Variants in PLCB1 observed in about 807,000 individuals in gnomAD.
PLCB1 encodes the protein 1-phosphatidylinositol 4,5-bisphosphate phosphodiesterase beta-1.
In PLCB1, 46 loss-of-function variants were observed where a neutral mutation model predicts 161.8. That is an observed-to-expected ratio of 0.28 (90% CI 0.22 to 0.36). The LOEUF (loss-of-function observed/expected upper bound fraction) is 0.36. Ranked by LOEUF, PLCB1 falls within the 10% of genes least tolerant of loss-of-function variation. PLCB1 has a pLI of 1.00. For synonymous variants in PLCB1, 517 were observed against 503.7 expected, an observed-to-expected ratio of 1.03 and a Z score of -0.35; for missense variants, 1,016 against 1,472.5, an observed-to-expected ratio of 0.69 and a Z score of 5.07.
chr20:8,451,824 A>G (rs1351337939), intron 3 of PLCB1, among the ~76,000 whole-genome samples: 31 of 132,922 alleles, frequency 2.3e-4, no homozygotes, highest in Non-Finnish European at 1.3e-4. Flanking sequence ...TCTTTCTTCC[A>G]TCTCCCTCTT....
chr20:8,382,829 G>A (rs1265291736), intron 3 of PLCB1, among the ~76,000 whole-genome samples: 1 of 152,088 alleles, frequency 6.6e-6, no homozygotes, highest in Non-Finnish European at 1.5e-5. Flanking sequence ...TTACAGGCAT[G>A]AGCCACCACA....
intron 10 of PLCB1, among the ~76,000 whole-genome samples, chr20:8,695,766 G>A (rs912847096): frequency 1.3e-5 from 2 of 152,164 alleles, no homozygotes; most frequent in African/African-American, 4.8e-5. Context: ...ATATTTAATA[G>A]GGAAAACCAA....
At chr20:8,500,013 T>C (rs1326072850) in intron 3 of PLCB1, among the ~76,000 whole-genome samples, 1 of 152,198 alleles carries the variant, frequency 6.6e-6, no homozygotes, top group Non-Finnish European at 1.5e-5. Flanking sequence ...GTAAGGAATT[T>C]ACTAAAGGAA....
intron 1 of PLCB1, among the ~76,000 whole-genome samples, chr20:8,145,284 C>CTCTT (rs992312153): frequency 4.0e-4 from 61 of 152,240 alleles, no homozygotes; most frequent in African/African-American, 1.4e-3. Flanking sequence ...TCCAGATGTT[C>CTCTT]TCTTCTTATA....
chr20:8,288,480 A>C (rs573613254), intron 2 of PLCB1, among the ~76,000 whole-genome samples: 2 of 152,330 alleles, frequency 1.3e-5, no homozygotes, highest in East Asian at 1.9e-4. Flanking sequence ...AATAAAGTAA[A>C]GGTGGGACAG....
At chr20:8,289,020 G>A (rs553438136) in intron 2 of PLCB1, among the ~76,000 whole-genome samples, 6 of 152,092 alleles carry the variant, frequency 3.9e-5, no homozygotes, top group East Asian at 1.9e-4. Context: ...GAGTAGGGGC[G>A]GGATGAGGTA....
chr20:8,583,968 C>A (rs1189243890), intron 3 of PLCB1, among the ~76,000 whole-genome samples: 1 of 152,166 alleles, frequency 6.6e-6, no homozygotes, highest in African/African-American at 2.4e-5. Flanking sequence ...TATGCAGCCT[C>A]ACACCTGCAT....
In PLCB1 at chr20:8,690,534, G is replaced by C. The variant is rs181021065; in HGVS notation, c.1009+5456G>C. 2.7e-3 allele frequency among the ~76,000 whole-genome samples: 409 copies of C among 152,234 alleles called. 5 individuals are homozygous for C. Among genetic ancestry groups the C allele is most frequent in the Admixed American group, 0.023 (359 of 15,294 alleles). ...TGGGAGAAGTTAAGTCTGTTTCTTG[G>C]CATGGGTCACAGGATGGGTGGCAGT... On this transcript the variant is annotated intron_variant, in intron 10 of 31. Coordinates refer to ENST00000338037, the MANE Select transcript of PLCB1 (RefSeq NM_015192.4).
At chr20:8,641,612 G>A (rs917235446) in intron 4 of PLCB1, among the ~76,000 whole-genome samples, 9 of 152,110 alleles carry the variant, frequency 5.9e-5, no homozygotes, top group South Asian at 2.1e-4. Flanking sequence ...CTTGGTTGTC[G>A]TGGACACTGC....
intron 2 of PLCB1, among the ~76,000 whole-genome samples, chr20:8,163,689 G>A (rs2051647946): frequency 6.6e-6 from 1 of 152,162 alleles, no homozygotes; most frequent in African/African-American, 2.4e-5. Context: ...AATGCCGGCC[G>A]ACATACCCCC....
intron 2 of PLCB1, among the ~76,000 whole-genome samples, chr20:8,256,024 GGCTATACCATATAGC>G (rs1162308473): frequency 6.6e-6 from 1 of 152,006 alleles, no homozygotes; most frequent in Non-Finnish European, 1.5e-5. Context: ...AGGAGCAATG[GGCTATACCATATAGC>G]CTGGGTGTGT....
At chr20:8,798,834 T>C (rs1333992836) in intron 31 of PLCB1, among the ~76,000 whole-genome samples, 1 of 152,222 alleles carries the variant, frequency 6.6e-6, no homozygotes, top group African/African-American at 2.4e-5. Flanking sequence ...ATAGTTTGGC[T>C]GAGACAGTTG....
intron 26 of PLCB1, among the ~76,000 whole-genome samples, chr20:8,765,694 AT>A (rs932534190): frequency 1.1e-4 from 16 of 147,878 alleles, no homozygotes; most frequent in East Asian, 2.0e-4. Context: ...GAGGCAGCTG[AT>A]TTTTTTTTTT....
chr20:8,703,121 T>A (rs1978462893), intron 11 of PLCB1, among the ~76,000 whole-genome samples: 1 of 152,130 alleles, frequency 6.6e-6, no homozygotes, highest in South Asian at 2.1e-4. Context: ...TTCCATTTAG[T>A]CACTGCAAGA....
At chr20:8,208,292 A>G (rs1266831022) in intron 2 of PLCB1, among the ~76,000 whole-genome samples, 2 of 152,134 alleles carry the variant, frequency 1.3e-5, no homozygotes, top group African/African-American at 2.4e-5. Context: ...GTGATTCTTA[A>G]CTTATTTCTT....
intron 3 of PLCB1, 50 bp from the exon 4 acceptor site, chr20:8,628,244 C>G (rs1160640559): frequency 7.3e-7 from 1 of 1,368,840 alleles, no homozygotes; most frequent in Non-Finnish European, 1.0e-6. Flanking sequence ...TATGCTATCA[C>G]GTTGGAATCT....
intron 4 of PLCB1, among the ~76,000 whole-genome samples, chr20:8,640,211 G>A (rs774875763): frequency 3.3e-5 from 5 of 152,168 alleles, no homozygotes; most frequent in African/African-American, 9.7e-5. Context: ...CCTGTGCCTC[G>A]TTCACTAATC....
intron 31 of PLCB1, among the ~76,000 whole-genome samples, chr20:8,834,865 A>G (rs563136395): frequency 5.0e-4 from 76 of 151,244 alleles, no homozygotes; most frequent in Admixed American, 2.4e-3. Flanking sequence ...ATAAAAAAGA[A>G]CCAATGTCTT....
chr20:8,250,567 A>G (rs1236558900), intron 2 of PLCB1, among the ~76,000 whole-genome samples: 6 of 151,848 alleles, frequency 4.0e-5, no homozygotes, highest in African/African-American at 1.5e-4. Context: ...CCCTTAATCC[A>G]CAGTCTAATA....
Sources: allele counts gnomAD v4.1 joint callset (sites outside exome capture counted in the v4.1 genomes callset), GRCh38; gene constraint gnomAD v4.1.1; transcripts MANE v1.5; gene names NCBI Gene and HGNC (gene_info 2026-07-23, HGNC 2026-07-21).